Variants in ASTN2 observed in about 807,000 individuals in gnomAD.
ASTN2 encodes astrotactin-2.
A neutral mutation model predicts 139.8 loss-of-function variants in ASTN2; 54 were observed. That is an observed-to-expected ratio of 0.39 (90% confidence interval 0.31 to 0.48). The LOEUF (loss-of-function observed/expected upper bound fraction) is 0.48. Ranked by LOEUF, ASTN2 falls within the 20% of genes least tolerant of loss-of-function variation. The pLI is 0.95. For missense variants in ASTN2, 1,565 were observed against 1,725.1 expected, an observed-to-expected ratio of 0.91 and a Z score of 1.64; for synonymous variants, 756 against 719.5, an observed-to-expected ratio of 1.05 and a Z score of -0.81.
At chr9:117,216,253 A>T (rs979117920) in intron 2 of ASTN2, among the ~76,000 whole-genome samples, 1 of 152,198 alleles carries the variant, frequency 6.6e-6, no homozygotes, top group African/African-American at 2.4e-5. Context: ...GATATTAGAA[A>T]ACTGGCATGT....
At chr9:116,446,135 G>A (rs886444980) in intron 20 of ASTN2, among the ~76,000 whole-genome samples, 5 of 151,854 alleles carry the variant, frequency 3.3e-5, no homozygotes, top group Non-Finnish European at 4.4e-5. Context: ...GAGAAGTTGG[G>A]GGGGGACAGA....
chr9:116,535,029 A>G lies in ASTN2; in HGVS notation c.3356-47529T>C, dbSNP rs574436485. Among the ~76,000 whole-genome samples, 4 of 152,280 alleles carry G rather than the reference A, an allele frequency of 2.6e-5. No individual in the cohort carries two copies. The East Asian group carries it at 7.7e-4, about 29-fold the overall frequency. Reference sequence around the variant, plus strand: ...TTGTAGGTCTCTAAGGACTTGCTTTATGAATCTGGGTGCTCCTGTATTGGG... The same window carrying G: ...TTGTAGGTCTCTAAGGACTTGCTTTGTGAATCTGGGTGCTCCTGTATTGGG... On this transcript the variant is annotated intron_variant, in intron 19 of 22. Coordinates refer to ENST00000313400, the MANE Select transcript of ASTN2 (RefSeq NM_001365068.1).
intron 6 of ASTN2, among the ~76,000 whole-genome samples, chr9:117,016,649 TATATATAA>T (rs1837705667): frequency 1.7e-5 from 2 of 115,328 alleles, no homozygotes; most frequent in African/African-American, 7.8e-5. Context: ...TATATATATA[TATATATAA>T]CCTATATATA....
At chr9:116,735,200 T>C (rs956763865) in intron 13 of ASTN2, among the ~76,000 whole-genome samples, 3 of 152,140 alleles carry the variant, frequency 2.0e-5, no homozygotes, top group African/African-American at 4.8e-5. Context: ...CATTTAAACA[T>C]GCTGCTGTGT....
chr9:116,636,899 G>A (rs898853317), intron 17 of ASTN2, among the ~76,000 whole-genome samples: 1 of 152,096 alleles, frequency 6.6e-6, no homozygotes. Context: ...TTATAAATGG[G>A]AGTATTATCT....
chr9:116,920,283 T>A (rs1834566889), intron 10 of ASTN2, among the ~76,000 whole-genome samples: 1 of 152,226 alleles, frequency 6.6e-6, no homozygotes, highest in Non-Finnish European at 1.5e-5. Flanking sequence ...TAGGGCCAGC[T>A]GGCTTTGCTC....
intron 19 of ASTN2, among the ~76,000 whole-genome samples, chr9:116,548,106 C>T (rs200801292): frequency 2.7e-3 from 410 of 151,684 alleles, no homozygotes; most frequent in African/African-American, 9.6e-3. Context: ...CCAAAGCACT[C>T]TGTTTTCTAA....
At chr9:116,664,849 T>C (rs56182203) in intron 16 of ASTN2, among the ~76,000 whole-genome samples, 3,816 of 152,218 alleles carry the variant, frequency 0.025, 150 homozygotes, top group African/African-American at 0.087. Flanking sequence ...AGCTGTAATA[T>C]TGGTGATATA....
At chr9:116,630,747 G>A (rs1473074685) in intron 17 of ASTN2, among the ~76,000 whole-genome samples, 1 of 152,076 alleles carries the variant, frequency 6.6e-6, no homozygotes, top group Non-Finnish European at 1.5e-5. Flanking sequence ...TGACTGCAAA[G>A]GAAACAGTCA....
At chr9:116,473,561 A>C (rs2119020898) in intron 20 of ASTN2, among the ~76,000 whole-genome samples, 1 of 152,320 alleles carries the variant, frequency 6.6e-6, no homozygotes, top group Middle Eastern at 3.4e-3. Flanking sequence ...CAATTAGCCA[A>C]GCATGAGTCC....
chr9:116,680,038 G>A (rs1251106443), intron 16 of ASTN2, among the ~76,000 whole-genome samples: 4 of 151,838 alleles, frequency 2.6e-5, no homozygotes, highest in Non-Finnish European at 5.9e-5. Flanking sequence ...CAGAAGTGAA[G>A]GAAATAGAGA....
chr9:116,794,759 A>G (rs1419755366), intron 13 of ASTN2, among the ~76,000 whole-genome samples: 1 of 152,142 alleles, frequency 6.6e-6, no homozygotes, highest in Non-Finnish European at 1.5e-5. Context: ...ACAGTTTTAC[A>G]AGATGGGTTA....
At chr9:116,560,523 A>G (rs1270511182) in intron 19 of ASTN2, among the ~76,000 whole-genome samples, 1 of 151,964 alleles carries the variant, frequency 6.6e-6, no homozygotes, top group Non-Finnish European at 1.5e-5. Flanking sequence ...GTAACCTTCA[A>G]TAAGTTTGTC....
intron 6 of ASTN2, among the ~76,000 whole-genome samples, chr9:117,022,442 CAAAA>C (rs143095854): frequency 1.3e-5 from 1 of 75,422 alleles, no homozygotes; most frequent in Non-Finnish European, 3.2e-5. Flanking sequence ...TATCCCAGGG[CAAAA>C]AAAAAAAACA....
chr9:117,161,797 C>G (rs1588029873), intron 3 of ASTN2, among the ~76,000 whole-genome samples: 1 of 151,952 alleles, frequency 6.6e-6, no homozygotes, highest in Non-Finnish European at 1.5e-5. Flanking sequence ...AGAAAATCTA[C>G]AGAGAGAGAA....
intron 6 of ASTN2, among the ~76,000 whole-genome samples, chr9:117,010,194 A>G (rs1043927376): frequency 1.3e-5 from 2 of 152,122 alleles, no homozygotes; most frequent in African/African-American, 4.8e-5. Flanking sequence ...AGTTTGTTGG[A>G]TTCCATATTT....
intron 10 of ASTN2, among the ~76,000 whole-genome samples, chr9:116,973,495 G>C (rs1564366308): frequency 6.6e-6 from 1 of 152,188 alleles, no homozygotes; most frequent in Non-Finnish European, 1.5e-5. Context: ...CAGCCAGTCT[G>C]AGAGAGCTGC....
At chr9:117,071,786 G>C (rs893424623) in intron 5 of ASTN2, among the ~76,000 whole-genome samples, 3 of 151,576 alleles carry the variant, frequency 2.0e-5, no homozygotes, top group South Asian at 2.1e-4. Context: ...AGGTGCGTCC[G>C]TCACCCCTTT....
At chr9:117,238,912 T>A (rs1193988832) in intron 2 of ASTN2, among the ~76,000 whole-genome samples, 2 of 152,226 alleles carry the variant, frequency 1.3e-5, no homozygotes, top group Non-Finnish European at 2.9e-5. Context: ...AGGGAAATAA[T>A]GCTCTGTTTA....
Sources: allele counts gnomAD v4.1 joint callset (sites outside exome capture counted in the v4.1 genomes callset), GRCh38; gene constraint gnomAD v4.1.1; transcripts MANE v1.5; gene names NCBI Gene and HGNC (gene_info 2026-07-23, HGNC 2026-07-21).